Variants in VAT1L observed in about 807,000 individuals in gnomAD.
The protein encoded by VAT1L is putative NADPH-dependent quinone oxidoreductase VAT1L.
VAT1L carries 34 observed loss-of-function variants against 44.1 expected under a neutral mutation model. The ratio of observed to expected loss-of-function variants is 0.77; its 90% CI spans 0.59 to 1.03. The LOEUF (loss-of-function observed/expected upper bound fraction) is 1.03. VAT1L is among the 50% of genes least tolerant of loss of function. VAT1L has a pLI of 0.00. For synonymous variants in VAT1L, 253 were observed against 202.2 expected, an observed-to-expected ratio of 1.25 and a Z score of -2.13; for missense variants, 615 against 538.8, an observed-to-expected ratio of 1.14 and a Z score of -1.40.
At chr16:77,832,877 T>A (rs367615749) in intron 3 of VAT1L, among the ~76,000 whole-genome samples, 1 of 152,270 alleles carries the variant, frequency 6.6e-6, no homozygotes, top group East Asian at 1.9e-4. Flanking sequence ...ATGGAGCAAG[T>A]GACGATCTTC....
chr16:77,947,941 T>C (rs755631623), intron 7 of VAT1L, among the ~76,000 whole-genome samples: 3 of 152,120 alleles, frequency 2.0e-5, no homozygotes, highest in Non-Finnish European at 4.4e-5. Flanking sequence ...GTATTTTTAG[T>C]AGAGACAGGG....
intron 6 of VAT1L, among the ~76,000 whole-genome samples, chr16:77,881,144 A>G (rs965196460): frequency 3.3e-5 from 5 of 152,150 alleles, no homozygotes; most frequent in African/African-American, 1.2e-4. Context: ...AAATGGTAGG[A>G]ACTTTTATTT....
intron 7 of VAT1L, among the ~76,000 whole-genome samples, chr16:77,916,654 ATTGTTATT>A (rs1333956114): frequency 6.6e-6 from 1 of 152,132 alleles, no homozygotes; most frequent in African/African-American, 2.4e-5. Flanking sequence ...CGTTTTGTAA[ATTGTTATT>A]TTGTTATTTT....
intron 3 of VAT1L, among the ~76,000 whole-genome samples, chr16:77,859,286 A>G (rs917399401): frequency 3.3e-5 from 5 of 152,116 alleles, no homozygotes; most frequent in Non-Finnish European, 7.4e-5. Flanking sequence ...ACAGAGTGAG[A>G]CCCTGTCTCT....
intron 7 of VAT1L, among the ~76,000 whole-genome samples, chr16:77,913,740 C>T (rs1268039015): frequency 1.3e-5 from 2 of 152,146 alleles, no homozygotes; most frequent in Non-Finnish European, 2.9e-5. Context: ...TGTATTGTAA[C>T]AAAGGCCAGG....
intron 7 of VAT1L, among the ~76,000 whole-genome samples, chr16:77,928,056 G>A (rs2017689539): frequency 6.6e-6 from 1 of 152,088 alleles, no homozygotes; most frequent in South Asian, 2.1e-4. Context: ...AAACAATGCA[G>A]TATCTTCAGT....
chr16:77,936,539 G>T (rs2017798917), intron 7 of VAT1L, among the ~76,000 whole-genome samples: 1 of 152,134 alleles, frequency 6.6e-6, no homozygotes, highest in Non-Finnish European at 1.5e-5. Flanking sequence ...GAAAATGTAG[G>T]CTTGCAGACG....
In VAT1L at chr16:77,879,185, A is replaced by C. The variant is rs145576985; in HGVS notation, c.843A>C (p.Val281=). The C allele has an allele frequency of 1.7e-4, 268 of 1,614,204 alleles. No homozygotes were observed. In the African/African-American group the frequency reaches 3.1e-3, roughly 19 times the overall value. The change falls in exon 6 of 9, where the codon GTA becomes GTC. Residue 281 remains valine, a synonymous_variant. Transcript: ENST00000302536. This position sits in a 1 kb window ranked among gnomAD's most constrained non-coding sequence, Gnocchi z 4.1. ...CATTTTCAGGCTCATCCAACATGGT[A>C]ACTGGAGAGACCAAGAGCTTCTTCA... is the stretch of plus-strand genomic sequence containing the variant. ...TYILYGSSNM[V]TGETKSFFSF... is the part of the protein sequence containing the mutation.
At chr16:77,825,776 G>A (rs1397157389) in intron 3 of VAT1L, among the ~76,000 whole-genome samples, 1 of 151,822 alleles carries the variant, frequency 6.6e-6, no homozygotes, top group Non-Finnish European at 1.5e-5. Context: ...CAGCACTTTG[G>A]GAGGCAGAGG....
chr16:77,806,683 A>G (rs1398463423), intron 1 of VAT1L, among the ~76,000 whole-genome samples: 1 of 151,998 alleles, frequency 6.6e-6, no homozygotes, highest in Non-Finnish European at 1.5e-5. Context: ...CTTTTTTTCT[A>G]TGGGAACAAC....
At chr16:77,807,743 A>G (rs2016189427) in intron 1 of VAT1L, among the ~76,000 whole-genome samples, 1 of 152,072 alleles carries the variant, frequency 6.6e-6, no homozygotes, top group Admixed American at 6.5e-5. Flanking sequence ...TGTTTTACAT[A>G]TACTGTCACA....
intron 1 of VAT1L, among the ~76,000 whole-genome samples, chr16:77,790,975 C>A (rs964334775): frequency 3.9e-5 from 6 of 152,182 alleles, no homozygotes; most frequent in Admixed American, 6.5e-5. Context: ...TGCACTTCCC[C>A]GACCCTAGTT....
chr16:77,826,846 CT>C lies in VAT1L; in HGVS notation c.579+1386del, dbSNP rs1456429484. Among the ~76,000 whole-genome samples the C allele has an allele frequency of 3.9e-5, 6 of 152,304 alleles. No individual in the cohort carries two copies. The East Asian group carries it at 1.2e-3, about 29-fold the overall frequency. Reference sequence around the variant, plus strand: ...AGGTTTTGAGAGGTTCTCAGAGTCACTGATTCTGTAGTTTGATGAACTCAGA... The same window carrying C: ...AGGTTTTGAGAGGTTCTCAGAGTCACGATTCTGTAGTTTGATGAACTCAGA... On this transcript the variant is annotated intron_variant, in intron 3 of 8. Transcript: ENST00000302536.
At position 77,825,327 on chromosome 16, in the gene VAT1L, A is replaced by T; in HGVS notation, c.445A>T (p.Ile149Phe). The T allele has an allele frequency of 2.5e-6, 4 of 1,614,178 alleles. No individual in the cohort carries two copies. The highest frequency in any genetic ancestry group is 3.4e-6 in the Non-Finnish European group (4 of 1,180,046). ...CACACCAGTGGAGTTTGTCTACAAG[A>T]TCCCGGATGACATGAGCTTCTCCGA... ...VCTPVEFVYK[I>F]PDDMSFSEAA... Residue 149 changes from isoleucine to phenylalanine, a missense_variant, in exon 3 of 9, where the codon ATC (isoleucine) becomes TTC (phenylalanine). By Grantham distance (21) the Ile-to-Phe change is conservative (BLOSUM62 0). Coordinates refer to ENST00000302536, the MANE Select transcript of VAT1L (RefSeq NM_020927.3).
intron 7 of VAT1L, among the ~76,000 whole-genome samples, chr16:77,908,040 A>T (rs961289087): frequency 6.6e-6 from 1 of 152,156 alleles, no homozygotes; most frequent in Admixed American, 6.5e-5. Context: ...GGAGATTGAG[A>T]CCATCCTGGC....
At chr16:77,837,158 G>T (rs2016648599) in intron 3 of VAT1L, among the ~76,000 whole-genome samples, 1 of 152,146 alleles carries the variant, frequency 6.6e-6, no homozygotes, top group Non-Finnish European at 1.5e-5. Flanking sequence ...GAGATGGAAG[G>T]GATTTCACTC....
intron 3 of VAT1L, among the ~76,000 whole-genome samples, chr16:77,829,720 G>A (rs1207308015): frequency 4.6e-5 from 7 of 152,158 alleles, no homozygotes; most frequent in Admixed American, 1.3e-4. Flanking sequence ...TGCCAGTCCC[G>A]TTTAATGAGC....
At chr16:77,944,801 C>G (rs2017938670) in intron 7 of VAT1L, among the ~76,000 whole-genome samples, 1 of 152,106 alleles carries the variant, frequency 6.6e-6, no homozygotes, top group Admixed American at 6.6e-5. Flanking sequence ...CTGAGAGGCA[C>G]ATGTACCTGT....
rs1405280549 is a variant in VAT1L at position 77,862,749 on chromosome 16, G to C, written c.581G>C (p.Gly194Ala). 4 of 1,613,312 alleles carry C rather than the reference G, an allele frequency of 2.5e-6. No individual in the cohort carries two copies. The highest frequency in any genetic ancestry group is 3.4e-6 in the Non-Finnish European group (4 of 1,179,734). Residue 194 changes from glycine (G) to alanine (A), a missense_variant and splice_region_variant, in exon 4 of 9, where the codon GGT (glycine) becomes GCT (alanine). Physicochemically the swap from Gly to Ala is moderately conservative, Grantham distance 60. Coordinates refer to ENST00000302536, the MANE Select transcript of VAT1L (RefSeq NM_020927.3). ...VLVHSAGGGV[G>A]QAVAQLCSTV... ...ATAGCTATTGTCTTTTCCTTCCAGG[G>C]TCAAGCTGTGGCTCAGCTGTGTTCC...
Sources: gnomAD v4.1 joint callset for allele counts (sites outside exome capture counted in the v4.1 genomes callset) on GRCh38, gnomAD v4.1.1 for gene constraint, Gnocchi (gnomAD v3.1) non-coding constraint, MANE v1.5 for transcripts, NCBI Gene and HGNC (gene_info 2026-07-23, HGNC 2026-07-21) for gene names.